AHRR: variants seen among roughly 807,000 people sequenced by gnomAD.
The protein encoded by AHRR is ahR repressor.
Under a neutral mutation model 44.0 loss-of-function variants are expected in AHRR, and 28 were observed. The observed-to-expected ratio is 0.64, with a 90% CI of 0.47 to 0.87. The LOEUF (loss-of-function observed/expected upper bound fraction) is 0.87, where lower values mean the gene tolerates loss of function less well. Ranked by LOEUF, AHRR falls within the 40% of genes least tolerant of loss-of-function variation. AHRR has a pLI of 0.00. For missense variants in AHRR, 990 were observed against 953.9 expected (o/e 1.04, Z -0.50); for synonymous variants, 434 against 407.0 (o/e 1.07, Z -0.80).
chr5:365,156 G>A (rs1743315077), intron 3 of AHRR, among the ~76,000 whole-genome samples: 1 of 151,940 alleles, frequency 6.6e-6, no homozygotes, highest in South Asian at 2.1e-4. Flanking sequence ...GGTTAATTTA[G>A]TGGACATACA....
chr5:372,569 G>A (rs1743615552), intron 3 of AHRR, among the ~76,000 whole-genome samples: 2 of 152,092 alleles, frequency 1.3e-5, no homozygotes, highest in Non-Finnish European at 2.9e-5. Context: ...GCCCTGCACA[G>A]AGCAGGAAAC....
chr5:345,781 A>G (rs73046912), intron 2 of AHRR, among the ~76,000 whole-genome samples: 3,441 of 152,176 alleles, frequency 0.023, 130 homozygotes, highest in African/African-American at 0.079. Context: ...GCCTCCAAGC[A>G]CTGCGGGGCC....
chr5:425,786 G>A (rs529418790), intron 7 of AHRR, among the ~76,000 whole-genome samples: 7 of 152,276 alleles, frequency 4.6e-5, no homozygotes, highest in East Asian at 1.9e-4. Context: ...ACACAAATAC[G>A]TGTCTGATTC....
chr5:376,533 A>C, intron 3 of AHRR, 77 bp from the exon 4 acceptor site: 16 of 1,461,784 alleles, frequency 1.1e-5, no homozygotes, highest in South Asian at 4.1e-5. Context: ...GCGGGGAAAC[A>C]CAGGAAAGAT....
chr5:420,817 C>CCACGCAGCACGCCCAGACCCACG (rs796227762), intron 5 of AHRR: 19,032 of 100,230 alleles, frequency 0.19, 4,342 homozygotes, highest in African/African-American at 0.35. Flanking sequence ...AGCCACCCAC[C>CCACGCAGCACGCCCAGACCCACG]CACGCAGCCA....
chr5:384,973 G>A (rs1280755416), intron 4 of AHRR, among the ~76,000 whole-genome samples: 1 of 151,660 alleles, frequency 6.6e-6, no homozygotes, highest in African/African-American at 2.4e-5. Context: ...GTGAAACCCT[G>A]TCTCTACTAA....
At chr5:345,444 GT>G (rs1742623640) in intron 2 of AHRR, among the ~76,000 whole-genome samples, 2 of 121,124 alleles carry the variant, frequency 1.7e-5, no homozygotes, top group Non-Finnish European at 3.3e-5. Flanking sequence ...GTGTGTGGGT[GT>G]GTGTGTGTGT....
intron 5 of AHRR, chr5:422,360 A>G: frequency 3.0e-6 from 1 of 329,396 alleles, no homozygotes; most frequent in Non-Finnish European, 5.8e-6. Flanking sequence ...ATCACAGGCC[A>G]TAAGATGTGA....
chr5:394,955 C>T (rs1026714288), intron 4 of AHRR, among the ~76,000 whole-genome samples: 10 of 152,244 alleles, frequency 6.6e-5, no homozygotes, highest in Admixed American at 2.0e-4. Flanking sequence ...CAAGCTCTTG[C>T]GTCTCCGGAT....
At chr5:340,411 G>C (rs987633695) in intron 1 of AHRR, among the ~76,000 whole-genome samples, 8 of 151,696 alleles carry the variant, frequency 5.3e-5, no homozygotes, top group African/African-American at 1.9e-4. Flanking sequence ...GGTGCTGGCT[G>C]ATTTGGTTTC....
At chr5:327,709 T>C (rs1460435534) in intron 1 of AHRR, among the ~76,000 whole-genome samples, 4 of 152,188 alleles carry the variant, frequency 2.6e-5, no homozygotes, top group Non-Finnish European at 4.4e-5. Context: ...TTTTGATATA[T>C]TGATTTCTTT....
chr5:414,152 A>G (rs1018885006), intron 5 of AHRR, among the ~76,000 whole-genome samples: 1 of 152,166 alleles, frequency 6.6e-6, no homozygotes, highest in African/African-American at 2.4e-5. Flanking sequence ...AGTCCCAGCT[A>G]CTAGGGAGGC....
chr5:373,934 G>A (rs1480970591), intron 3 of AHRR, among the ~76,000 whole-genome samples: 1 of 151,346 alleles, frequency 6.6e-6, no homozygotes, highest in Non-Finnish European at 1.5e-5. Context: ...AAGTAGGGGG[G>A]AAGTGGGCGG....
At chr5:413,731 C>A (rs1735573002) in intron 5 of AHRR, among the ~76,000 whole-genome samples, 1 of 152,200 alleles carries the variant, frequency 6.6e-6, no homozygotes, top group Non-Finnish European at 1.5e-5. Flanking sequence ...AGGTCCCCTG[C>A]CCCACCAGCA....
intron 5 of AHRR, 27 bp downstream of exon 5, chr5:413,460 G>T: frequency 6.7e-7 from 1 of 1,493,358 alleles, no homozygotes; most frequent in Non-Finnish European, 9.3e-7. Context: ...TAGCCCTCCA[G>T]TCTGTTAAGT....
intron 5 of AHRR, chr5:422,383 C>A: frequency 2.8e-6 from 1 of 353,434 alleles, no homozygotes. Context: ...TGATGGGAAA[C>A]CGAGTCACAA....
At chr5:359,890 C>A (rs1274165383) in intron 3 of AHRR, among the ~76,000 whole-genome samples, 2 of 152,130 alleles carry the variant, frequency 1.3e-5, no homozygotes, top group African/African-American at 4.8e-5. Flanking sequence ...GTTCCATGCT[C>A]CTTGAGATTA....
chr5:422,941 G>T, intron 6 of AHRR, 83 bp downstream of exon 6: 5 of 1,481,984 alleles, frequency 3.4e-6, no homozygotes, highest in South Asian at 1.4e-5. Flanking sequence ...TGACCCTGTC[G>T]CACCTTCTTG....
chr5:339,885 G>GATAA (rs59290096), intron 1 of AHRR, among the ~76,000 whole-genome samples: 14,897 of 152,106 alleles, frequency 0.098, 2,344 homozygotes, highest in African/African-American at 0.33. Context: ...GAATTCCTTG[G>GATAA]ATAAATCCCA....
Sources: allele counts gnomAD v4.1 joint callset (sites outside exome capture counted in the v4.1 genomes callset), GRCh38; gene constraint gnomAD v4.1.1; transcripts MANE v1.5; gene names NCBI Gene and HGNC (gene_info 2026-07-23, HGNC 2026-07-21).